The following KLRG1 variants were observed in gnomAD, a reference collection of about 807,000 sequenced individuals.
The protein encoded by KLRG1 is killer cell lectin like receptor G1, also known as killer cell lectin-like receptor subfamily G member 1.
KLRG1 carries 16 observed loss-of-function variants against 21.8 expected under a neutral mutation model. The observed-to-expected ratio is 0.73, with a 90% CI of 0.50 to 1.11. KLRG1 has a LOEUF of 1.11. Ranked by LOEUF, KLRG1 falls within the 50% of genes most tolerant of loss-of-function variation. The pLI, the probability that KLRG1 is intolerant of heterozygous loss-of-function variation, is 0.00. For synonymous variants in KLRG1, 69 were observed against 75.9 expected (o/e 0.91, Z 0.47); for missense variants, 173 against 218.3 (o/e 0.79, Z 1.31).
chr12:8,957,044 G>A (rs944087567), intron 1 of KLRG1, among the ~76,000 whole-genome samples: 2 of 152,022 alleles, frequency 1.3e-5, no homozygotes, highest in Non-Finnish European at 2.9e-5. Context: ...CTTGAGCAGG[G>A]CCCCCCCGGC....
chr12:9,189,766 A>G, the KLRG1 span, among the ~76,000 whole-genome samples: 1 of 152,232 alleles, frequency 6.6e-6, no homozygotes, highest in Non-Finnish European at 1.5e-5. Context: ...AATATCTAGC[A>G]TCTGTATAGA....
chr12:9,211,605 A>G, the KLRG1 span, among the ~76,000 whole-genome samples: 1 of 151,910 alleles, frequency 6.6e-6, no homozygotes, highest in African/African-American at 2.4e-5. Context: ...TTTGGGGTGG[A>G]GATTAGTTAC....
the KLRG1 span, chr12:9,196,983 A>T: frequency 6.9e-7 from 1 of 1,447,470 alleles, no homozygotes; most frequent in South Asian, 1.1e-5. Flanking sequence ...AAACAGTGAT[A>T]GCACTGAGGG....
At chr12:9,200,751 A>T in the KLRG1 span, 1 of 905,740 alleles carries the variant, frequency 1.1e-6, no homozygotes, top group South Asian at 1.8e-5. Context: ...TTCTGTGTTC[A>T]CACCGTCCTA....
chr12:9,074,252 G>C, the KLRG1 span, among the ~76,000 whole-genome samples: 1 of 152,120 alleles, frequency 6.6e-6, no homozygotes, highest in Non-Finnish European at 1.5e-5. Context: ...GAGCTTTCAG[G>C]AGAATGGCAG....
At chr12:9,180,596 T>A in the KLRG1 span, among the ~76,000 whole-genome samples, 1 of 152,134 alleles carries the variant, frequency 6.6e-6, no homozygotes, top group Non-Finnish European at 1.5e-5. Flanking sequence ...TGGCTAGCCA[T>A]ATGTAGAAAG....
At chr12:9,030,500 G>A in the KLRG1 span, among the ~76,000 whole-genome samples, 5 of 151,804 alleles carry the variant, frequency 3.3e-5, no homozygotes, top group East Asian at 5.8e-4. Context: ...TCTACCTCCC[G>A]GATTCACATG....
At chr12:8,977,441 C>G (rs972615526) in intron 1 of KLRG1, among the ~76,000 whole-genome samples, 2 of 146,328 alleles carry the variant, frequency 1.4e-5, no homozygotes, top group Admixed American at 6.9e-5. Context: ...GTCTCGATCT[C>G]CTGACCTTGT....
chr12:9,017,125 G>A, the KLRG1 span, among the ~76,000 whole-genome samples: 6 of 151,486 alleles, frequency 4.0e-5, no homozygotes, highest in South Asian at 4.2e-4. Context: ...TTAGCCAGGC[G>A]TGGTGGTGGG....
chr12:9,065,623 G>T, the KLRG1 span, among the ~76,000 whole-genome samples: 1 of 152,220 alleles, frequency 6.6e-6, no homozygotes, highest in African/African-American at 2.4e-5. Context: ...TCCTTGGCAT[G>T]AACAGCCTGG....
At chr12:9,023,635 G>T in the KLRG1 span, among the ~76,000 whole-genome samples, 6 of 149,330 alleles carry the variant, frequency 4.0e-5, no homozygotes, top group East Asian at 1.2e-3. Flanking sequence ...ATAGTTCACT[G>T]TAGTCTTAAA....
At chr12:9,166,331 T>C in the KLRG1 span, 3 of 849,540 alleles carry the variant, frequency 3.5e-6, no homozygotes, top group South Asian at 3.4e-5. Flanking sequence ...GTAGAAGTTG[T>C]AGAACTTGGG....
At chr12:9,137,397 T>C in the KLRG1 span, among the ~76,000 whole-genome samples, 3 of 152,166 alleles carry the variant, frequency 2.0e-5, no homozygotes, top group Non-Finnish European at 2.9e-5. Flanking sequence ...TCTGTCTTTA[T>C]GCCAGCACCA....
the KLRG1 span, chr12:9,158,432 G>T: frequency 1.2e-6 from 2 of 1,614,144 alleles, no homozygotes; most frequent in Non-Finnish European, 1.7e-6. Context: ...TTATGGCATT[G>T]TTGAGCAGTG....
At chr12:8,979,173 C>G (rs761988698) in intron 1 of KLRG1, among the ~76,000 whole-genome samples, 2 of 151,606 alleles carry the variant, frequency 1.3e-5, no homozygotes, top group Non-Finnish European at 2.9e-5. Flanking sequence ...CATCACCATG[C>G]CTGGTTAATT....
the KLRG1 span, chr12:9,106,411 C>T: frequency 2.1e-6 from 3 of 1,435,040 alleles, no homozygotes; most frequent in South Asian, 3.6e-5. Context: ...CTATCACCTC[C>T]CCCCAACTTA....
At chr12:9,157,280 G>T in the KLRG1 span, 1 of 1,613,996 alleles carries the variant, frequency 6.2e-7, no homozygotes, top group Non-Finnish European at 8.5e-7. Context: ...GTGTAGACAT[G>T]GCTCCCATGG....
chr12:8,986,881 G>C (rs1243430609), upstream of KLRG1, among the ~76,000 whole-genome samples: 1 of 152,026 alleles, frequency 6.6e-6, no homozygotes. Context: ...ACAAGACCTG[G>C]TTGTTTAAAA....
chr12:9,021,165 A>C, the KLRG1 span, among the ~76,000 whole-genome samples: 1 of 152,190 alleles, frequency 6.6e-6, no homozygotes, highest in Non-Finnish European at 1.5e-5. Context: ...TAAAAGATAA[A>C]AAACGGTACA....
Sources: allele counts gnomAD v4.1 joint callset (sites outside exome capture counted in the v4.1 genomes callset), GRCh38; gene constraint gnomAD v4.1.1; transcripts MANE v1.5; gene names NCBI Gene and HGNC (gene_info 2026-07-23, HGNC 2026-07-21).